The following TMEM175 variants were observed in gnomAD, a reference collection of about 807,000 sequenced individuals.
The protein encoded by TMEM175 is endosomal/lysosomal proton channel TMEM175.
In TMEM175, 36 loss-of-function variants were observed where a neutral mutation model predicts 36.5. The ratio of observed to expected loss-of-function variants is 0.99; its 90% CI spans 0.76 to 1.30. TMEM175 has a LOEUF of 1.30. TMEM175 is among the 50% of genes most tolerant of loss of function. TMEM175 has a pLI of 0.00. For synonymous variants in TMEM175, 339 were observed against 313.4 expected, an observed-to-expected ratio of 1.08 and a Z score of -0.86; for missense variants, 705 against 692.8, an observed-to-expected ratio of 1.02 and a Z score of -0.20.
At chr4:951,356 C>T (rs528146722) in intron 5 of TMEM175, 98 bp downstream of exon 5, 639 of 1,381,066 alleles carry the variant, frequency 4.6e-4, no homozygotes, top group Middle Eastern at 1.6e-3. Context: ...CTCGTGACCT[C>T]CAGGGAGTCT....
intron 10 of TMEM175, among the ~76,000 whole-genome samples, 163 bp from the exon 11 acceptor site, chr4:957,661 A>G (rs903125388): frequency 6.6e-6 from 1 of 152,240 alleles, no homozygotes; most frequent in Non-Finnish European, 1.5e-5. Context: ...TGTGCCAAAT[A>G]CACATAAATA....
intron 1 of TMEM175, among the ~76,000 whole-genome samples, chr4:940,091 G>T (rs1560473429): frequency 6.6e-6 from 1 of 152,190 alleles, no homozygotes; most frequent in African/African-American, 2.4e-5. Flanking sequence ...AATCTGAAAA[G>T]GTTCCATACT....
At position 948,304 on chromosome 4, in the gene TMEM175, G is replaced by T. The variant is rs543933914; in HGVS notation, c.192+150G>T. On this transcript the variant is annotated intron_variant, in intron 3 of 10. Coordinates refer to ENST00000264771, the MANE Select transcript of TMEM175 (RefSeq NM_032326.4). ...CGGGAGGCGGGGGCCTCCTTGGAAA[G>T]GGAGGGAGCCAACAAGTCCTGCTCA... The T allele has an allele frequency of 7.0e-4, 1,084 of 1,555,576 alleles. 3 individuals carry two copies. The highest frequency in any genetic ancestry group is 7.0e-3 in the South Asian group (600 of 86,132).
intron 7 of TMEM175, among the ~76,000 whole-genome samples, chr4:952,797 G>A (rs1031915644): frequency 6.6e-5 from 10 of 151,694 alleles, no homozygotes; most frequent in Non-Finnish European, 1.5e-4. Context: ...GTATATGTGT[G>A]AGTGATCGAT....
chr4:955,992 C>T (rs916766929), intron 10 of TMEM175, 102 bp downstream of exon 10: 1 of 1,389,794 alleles, frequency 7.2e-7, no homozygotes, highest in Non-Finnish European at 9.9e-7. Context: ...GGGGTCTTGG[C>T]TCCACCCTCC....
At chr4:946,029 T>C (rs1728098064) in intron 1 of TMEM175, 1 of 152,350 alleles carries the variant, frequency 6.6e-6, no homozygotes, top group Non-Finnish European at 1.5e-5. Context: ...CTCCGGTGCT[T>C]CTGCTGTGTC....
chr4:951,548 G>C, intron 5 of TMEM175, 134 bp from the exon 6 acceptor site: 1 of 1,179,178 alleles, frequency 8.5e-7, no homozygotes, highest in Non-Finnish European at 1.2e-6. Context: ...AGGGTCTGGG[G>C]GCTGGACTCA....
chr4:949,539 G>GTCC (rs1159189710), intron 3 of TMEM175, among the ~76,000 whole-genome samples: 1 of 152,214 alleles, frequency 6.6e-6, no homozygotes, highest in Non-Finnish European at 1.5e-5. Context: ...AAAGACAGTT[G>GTCC]TAACTTTGAA....
At chr4:946,513 C>T (rs1728158746) in intron 1 of TMEM175, among the ~76,000 whole-genome samples, 1 of 152,268 alleles carries the variant, frequency 6.6e-6, no homozygotes, top group Non-Finnish European at 1.5e-5. Context: ...GGGTGAAATC[C>T]ATAGTGCCTG....
At chr4:950,390 G>C (rs1728716038) in intron 3 of TMEM175, 31 bp from the exon 4 acceptor site, 1 of 1,545,320 alleles carries the variant, frequency 6.5e-7, no homozygotes, top group Non-Finnish European at 8.9e-7. Context: ...CATGTCACCT[G>C]GGCTCTGACA....
At chr4:940,086 GA>G (rs1248591027) in intron 1 of TMEM175, among the ~76,000 whole-genome samples, 2 of 152,216 alleles carry the variant, frequency 1.3e-5, no homozygotes, top group Non-Finnish European at 2.9e-5. Flanking sequence ...AAGCCAATCT[GA>G]AAAGGTTCCA....
intron 8 of TMEM175, among the ~76,000 whole-genome samples, chr4:954,200 GCT>G (rs1310460284): frequency 6.6e-6 from 1 of 151,636 alleles, no homozygotes; most frequent in African/African-American, 2.4e-5. Flanking sequence ...TGTTGGCCAG[GCT>G]GGTCTCGAAC....
intron 9 of TMEM175, 95 bp from the exon 10 acceptor site, chr4:955,660 C>G (rs1729520884): frequency 6.5e-7 from 1 of 1,532,174 alleles, no homozygotes; most frequent in African/African-American, 1.4e-5. Context: ...CCTGCACATT[C>G]CAGGCCTCTT....
At chr4:938,045 A>G (rs975818431) in intron 1 of TMEM175, among the ~76,000 whole-genome samples, 8 of 152,246 alleles carry the variant, frequency 5.3e-5, no homozygotes, top group African/African-American at 1.7e-4. Flanking sequence ...CTTCCTCAGT[A>G]TAGTAAGGGC....
intron 1 of TMEM175, among the ~76,000 whole-genome samples, chr4:940,291 A>C (rs1483177348): frequency 6.6e-6 from 1 of 152,092 alleles, no homozygotes; most frequent in Middle Eastern, 3.2e-3. Flanking sequence ...TTTACTAAAA[A>C]TACAAAATTA....
chr4:958,587 C>A lies in TMEM175; in HGVS notation c.*91C>A. On this transcript the variant is annotated 3_prime_UTR_variant, in exon 11 of 11. Transcript: ENST00000264771. ...AGGGGAAGCCAAGTCACGGGCAGGC[C>A]GCAGTGGTTCTTGCGTGGCCTGGTT... is the stretch of plus-strand genomic sequence containing the variant. 1 of 1,089,512 alleles carries A rather than the reference C, an allele frequency of 9.2e-7. No homozygotes were observed. Among genetic ancestry groups the A allele is most frequent in the Non-Finnish European group, 1.3e-6 (1 of 785,546 alleles). 67.5% of individuals were successfully genotyped at this position (1,089,512 alleles called of 1,614,324 possible).
In TMEM175 at chr4:947,009, G is replaced by C. The variant is rs549131979; in HGVS notation, c.-31-700G>C. Among the ~76,000 whole-genome samples the C allele has an allele frequency of 7.0e-3, 993 of 141,462 alleles. 10 individuals carry two copies. The highest frequency in any genetic ancestry group is 0.024 in the African/African-American group (904 of 37,432). 92.8% of individuals were successfully genotyped at this position (141,462 alleles called of 152,430 possible). A position where few individuals can be genotyped will look rare whatever the true frequency, so the allele number is the denominator to read the frequency against. On this transcript the variant is annotated intron_variant, in intron 1 of 10. Transcript: ENST00000264771. ...ACAGGCGCCGAGACCGAGGGAGAGC[G>C]CGGCCCCTGTAGGAGACAGCCCCAG...
rs1281898694 is a variant in TMEM175, at chr4:953,179, T to C, written c.463-11T>C. 6.3e-7 allele frequency: 1 copy of C among 1,596,878 alleles called. No homozygotes were observed. Among genetic ancestry groups the C allele is most frequent in the South Asian group, 1.1e-5 (1 of 89,130 alleles). ...TTGGGGCCTGTGTCCTACAGCTTGC[T>C]TTTCCCGCAGGCACTGATTGTGGGG... On this transcript the variant is annotated splice_polypyrimidine_tract_variant and intron_variant, in intron 7 of 10. Coordinates refer to ENST00000264771, the MANE Select transcript of TMEM175 (RefSeq NM_032326.4).
At chr4:936,459 A>G (rs1291704473) in intron 1 of TMEM175, among the ~76,000 whole-genome samples, 2 of 152,224 alleles carry the variant, frequency 1.3e-5, no homozygotes, top group Non-Finnish European at 2.9e-5. Flanking sequence ...ATTCTTTGAG[A>G]TTAATAAAAT....
Sources: gnomAD v4.1 joint callset for allele counts (sites outside exome capture counted in the v4.1 genomes callset) on GRCh38, gnomAD v4.1.1 for gene constraint, MANE v1.5 for transcripts, NCBI Gene and HGNC (gene_info 2026-07-23, HGNC 2026-07-21) for gene names.